Variants in NRXN1 observed in about 807,000 individuals in gnomAD.
NRXN1 encodes neurexin 1.
A neutral mutation model predicts 150.9 loss-of-function variants in NRXN1; 39 were observed. The ratio of observed to expected loss-of-function variants is 0.26; its 90% CI spans 0.20 to 0.34. The LOEUF (loss-of-function observed/expected upper bound fraction) is 0.34, where lower values mean the gene tolerates loss of function less well. Ranked by LOEUF, NRXN1 falls within the 10% of genes least tolerant of loss-of-function variation. NRXN1 has a pLI of 1.00. For missense variants in NRXN1, 1,815 were observed against 1,949.9 expected (o/e 0.93, Z 1.30); for synonymous variants, 924 against 757.0 (o/e 1.22, Z -3.62).
At chr2:50,445,842 G>T (rs978822275) in intron 17 of NRXN1, among the ~76,000 whole-genome samples, 3 of 152,222 alleles carry the variant, frequency 2.0e-5, no homozygotes, top group African/African-American at 7.2e-5. Context: ...ATTTTCTCAG[G>T]AGAAGGCCCC....
At chr2:50,722,348 A>T (rs1160571067) in intron 5 of NRXN1, among the ~76,000 whole-genome samples, 1 of 152,168 alleles carries the variant, frequency 6.6e-6, no homozygotes, top group Non-Finnish European at 1.5e-5. Context: ...GTACTAAGAG[A>T]TCATAAAGGA....
rs1161837714 is a variant in NRXN1 at position 50,644,625 on chromosome 2, T to A, written c.833-21010A>T. Among the ~76,000 whole-genome samples, 4 of 151,572 alleles carry A rather than the reference T, an allele frequency of 2.6e-5. 1 individual carries two copies. Among genetic ancestry groups the A allele is most frequent in the Non-Finnish European group, 4.4e-5 (3 of 67,808 alleles). On this transcript the variant is annotated intron_variant, in intron 5 of 22. Coordinates refer to ENST00000401669, the MANE Select transcript of NRXN1 (RefSeq NM_001330078.2). ...AAGAATTTTTTTCCCCCAGGTTTGA[T>A]CTCTTTATTTAGTTTATCCTCCAGG...
intron 2 of NRXN1, among the ~76,000 whole-genome samples, chr2:51,013,316 G>A (rs1055528074): frequency 6.6e-6 from 1 of 151,946 alleles, no homozygotes; most frequent in African/African-American, 2.4e-5. Context: ...TGTATTCCAG[G>A]GACACCAATG....
chr2:50,472,277 A>T, intron 16 of NRXN1, 21 bp downstream of exon 16: 1 of 1,524,062 alleles, frequency 6.6e-7, no homozygotes. Context: ...TATTTAGAGC[A>T]TGATGACAAA....
At chr2:50,525,258 T>A (rs572834600) in intron 12 of NRXN1, among the ~76,000 whole-genome samples, 1 of 152,260 alleles carries the variant, frequency 6.6e-6, no homozygotes, top group African/African-American at 2.4e-5. Context: ...TAATATTTAG[T>A]TTTTGTTAGT....
At chr2:50,233,145 A>G (rs951412635) in intron 18 of NRXN1, among the ~76,000 whole-genome samples, 1 of 152,102 alleles carries the variant, frequency 6.6e-6, no homozygotes, top group African/African-American at 2.4e-5. Context: ...AAATTCTTTC[A>G]GAAAATATTT....
At chr2:50,305,007 TTGAACG>T (rs2074488991) in intron 17 of NRXN1, among the ~76,000 whole-genome samples, 1 of 152,052 alleles carries the variant, frequency 6.6e-6, no homozygotes, top group African/African-American at 2.4e-5. Flanking sequence ...GGGGAATTGC[TTGAACG>T]TGGGAGGCAG....
At chr2:50,083,480 G>A (rs531653362) in intron 19 of NRXN1, among the ~76,000 whole-genome samples, 2 of 152,240 alleles carry the variant, frequency 1.3e-5, no homozygotes, top group Admixed American at 6.5e-5. Flanking sequence ...ATGAAGCCTC[G>A]GACCCTAGCG....
At chr2:50,851,175 C>A (rs1674461947) in intron 5 of NRXN1, among the ~76,000 whole-genome samples, 1 of 152,086 alleles carries the variant, frequency 6.6e-6, no homozygotes, top group Admixed American at 6.5e-5. Flanking sequence ...ACTTAGTACA[C>A]ATTGTTTCCT....
chr2:50,390,705 A>G (rs1024100196), intron 17 of NRXN1, among the ~76,000 whole-genome samples: 8 of 152,152 alleles, frequency 5.3e-5, no homozygotes, highest in Middle Eastern at 3.4e-3. Flanking sequence ...GTTACAAAAG[A>G]AAGTTTGGCC....
chr2:50,374,925 A>C (rs1473714417), intron 17 of NRXN1, among the ~76,000 whole-genome samples: 1 of 152,182 alleles, frequency 6.6e-6, no homozygotes, highest in Non-Finnish European at 1.5e-5. Flanking sequence ...CAGTCTGTAG[A>C]AAAATGAAAT....
At chr2:50,732,218 G>A (rs1031150643) in intron 5 of NRXN1, among the ~76,000 whole-genome samples, 12 of 152,026 alleles carry the variant, frequency 7.9e-5, no homozygotes, top group African/African-American at 2.4e-4. Context: ...AAAATTGTGT[G>A]TTTTCTTCCT....
At chr2:50,061,807 T>A (rs1269001046) in intron 19 of NRXN1, among the ~76,000 whole-genome samples, 1 of 152,240 alleles carries the variant, frequency 6.6e-6, no homozygotes, top group Non-Finnish European at 1.5e-5. Context: ...TGGTTTGATC[T>A]GTTGGTACCT....
intron 2 of NRXN1, 71 bp from the exon 3 acceptor site, chr2:50,926,026 C>A: frequency 8.1e-7 from 1 of 1,233,532 alleles, no homozygotes; most frequent in Non-Finnish European, 1.2e-6. Flanking sequence ...CTGGACCTTG[C>A]CTTTGCATGT....
At chr2:50,932,055 G>A (rs576274105) in intron 2 of NRXN1, among the ~76,000 whole-genome samples, 2 of 151,944 alleles carry the variant, frequency 1.3e-5, no homozygotes, top group East Asian at 3.9e-4. Context: ...GTAGACACAG[G>A]ATTTCACCAT....
chr2:50,931,299 C>T (rs1047448796), intron 2 of NRXN1, among the ~76,000 whole-genome samples: 9 of 151,806 alleles, frequency 5.9e-5, no homozygotes, highest in Non-Finnish European at 8.8e-5. Context: ...TATTCTATAC[C>T]TGGGTTCTTA....
At chr2:50,364,973 AAAG>A (rs1333790072) in intron 17 of NRXN1, among the ~76,000 whole-genome samples, 2 of 152,094 alleles carry the variant, frequency 1.3e-5, no homozygotes, top group African/African-American at 4.8e-5. Context: ...AAAATGAAAA[AAAG>A]AAAAGAAAAA....
chr2:50,451,046 A>T (rs1319500418), intron 17 of NRXN1, among the ~76,000 whole-genome samples: 2 of 152,178 alleles, frequency 1.3e-5, no homozygotes, highest in Non-Finnish European at 2.9e-5. Context: ...CACTCACTGC[A>T]ACCTCCGCCT....
chr2:50,398,180 A>G (rs2082164670), intron 17 of NRXN1, among the ~76,000 whole-genome samples: 1 of 152,154 alleles, frequency 6.6e-6, no homozygotes, highest in South Asian at 2.1e-4. Flanking sequence ...AGTAACTCCC[A>G]GCACTTGTAG....
Sources: allele counts gnomAD v4.1 joint callset (sites outside exome capture counted in the v4.1 genomes callset), GRCh38; gene constraint gnomAD v4.1.1; transcripts MANE v1.5; gene names NCBI Gene and HGNC (gene_info 2026-07-23, HGNC 2026-07-21).